The following DKC1 variants were observed in gnomAD, a reference collection of about 807,000 sequenced individuals.
DKC1 encodes the protein dyskerin pseudouridine synthase 1.
In DKC1, 4 loss-of-function variants were observed where a neutral mutation model predicts 46.7. The ratio of observed to expected loss-of-function variants is 0.09; its 90% confidence interval spans 0.04 to 0.20. The LOEUF is 0.20. Among genes scored for constraint, DKC1 ranks in the 10% least tolerant of loss-of-function variants. The pLI, the probability that DKC1 is intolerant of heterozygous loss-of-function variation, is 1.00. For synonymous variants in DKC1, 141 were observed against 142.4 expected (o/e 0.99, Z 0.07); for missense variants, 171 against 404.2 (o/e 0.42, Z 4.95).
At chrX:154,776,150 C>G in intron 13 of DKC1, 37 bp from the exon 14 acceptor site, 1 of 1,208,938 alleles carries the variant, frequency 8.3e-7, no homozygotes, top group East Asian at 3.0e-5. Context: ...CCATTATTGC[C>G]CAAGATCTAA....
At chrX:154,763,062 G>C (rs1011001581) in intron 1 of DKC1, 81 bp downstream of exon 1, 73 of 1,076,198 alleles carry the variant, frequency 6.8e-5, no homozygotes, top group Admixed American at 1.0e-4. Context: ...CGGGGCCCGC[G>C]CACGCCTCCC....
chrX:154,768,475 A>G lies in DKC1; in HGVS notation c.771+43A>G, dbSNP rs782543153. 7 of 1,208,579 alleles carry G rather than the reference A, an allele frequency of 5.8e-6. No individual in the cohort carries two copies. In the South Asian group the frequency reaches 1.2e-4, roughly 21 times the overall value. ...AGAAGTTTTAGAGCTGGTTCTTACC[A>G]TCTGCCAGCCTTTGATGGCACTCCA... On this transcript the variant is annotated intron_variant, in intron 8 of 14. Coordinates refer to ENST00000369550, the MANE Select transcript of DKC1 (RefSeq NM_001363.5).
intron 8 of DKC1, among the ~76,000 whole-genome samples, 164 bp from the exon 9 acceptor site, chrX:154,768,993 CAAAAAAAAAA>C (rs1158256142): frequency 3.1e-4 from 5 of 16,349 alleles, no homozygotes; most frequent in African/African-American, 6.2e-4. Context: ...GACTCCGTCT[CAAAAAAAAAA>C]AAAAAAAAAA....
intron 2 of DKC1, chrX:154,765,227 C>T: frequency 2.0e-6 from 1 of 488,335 alleles, no homozygotes; most frequent in South Asian, 2.9e-5. Context: ...ACCCGCCATC[C>T]CCCTTTCTCT....
intron 7 of DKC1, chrX:154,767,905 C>CGGT (rs2071769610): frequency 6.2e-6 from 1 of 161,670 alleles, no homozygotes. Flanking sequence ...GGCTGGAGTG[C>CGGT]GGTGGCATGA....
At chrX:154,765,880 G>A in intron 3 of DKC1, 27 bp from the exon 4 acceptor site, 1 of 1,113,420 alleles carries the variant, frequency 9.0e-7, no homozygotes, top group Non-Finnish European at 1.2e-6. Context: ...ATGGTATTTT[G>A]TTTTGTGTTG....
chrX:154,774,162 C>T (rs139679057), intron 11 of DKC1, among the ~76,000 whole-genome samples: 80 of 112,019 alleles, frequency 7.1e-4, no homozygotes, highest in African/African-American at 2.5e-3. Context: ...AGTGGAATGG[C>T]GAATTTCATG....
At chrX:154,775,668 A>G (rs782073631) in intron 13 of DKC1, among the ~76,000 whole-genome samples, 24 of 112,219 alleles carry the variant, frequency 2.1e-4, no homozygotes, top group Non-Finnish European at 3.0e-4. Context: ...AGGCCATACA[A>G]AATTCAGCAG....
chrX:154,776,630 C>T (rs1465006701), intron 14 of DKC1, among the ~76,000 whole-genome samples, 169 bp from the exon 15 acceptor site: 2 of 111,950 alleles, frequency 1.8e-5, no homozygotes, highest in Non-Finnish European at 3.8e-5. Flanking sequence ...TAGGGTGTCA[C>T]TGAAAGGTTT....
chrX:154,768,718 G>C, intron 8 of DKC1: 1 of 386,748 alleles, frequency 2.6e-6, no homozygotes, highest in Admixed American at 3.3e-5. Context: ...GGGCGCGGTG[G>C]CTCACGCCTG....
chrX:154,776,909 G>C lies in DKC1; in HGVS notation c.*42G>C, dbSNP rs2071907306. On this transcript the variant is annotated 3_prime_UTR_variant, in exon 15 of 15. Transcript: ENST00000369550. ...CTGGAGGAGAAACTAAAGCCTTATT[G>C]AGAAAACATGTTATAGATCCTTTTG... 46 of 1,057,868 alleles carry C rather than the reference G, an allele frequency of 4.3e-5. No individual in the cohort carries two copies. The highest frequency in any genetic ancestry group is 6.0e-5 in the Non-Finnish European group (46 of 770,209). 87.2% of individuals were successfully genotyped at this position (1,057,868 alleles called of 1,213,427 possible). A position where few individuals can be genotyped will look rare whatever the true frequency, so the allele number is the denominator to read the frequency against.
intron 11 of DKC1, among the ~76,000 whole-genome samples, chrX:154,773,796 C>T (rs1427592772): frequency 2.7e-5 from 3 of 112,193 alleles, no homozygotes; most frequent in Admixed American, 9.3e-5. Context: ...CATCCTGGCC[C>T]GTTCTCAATG....
intron 4 of DKC1, 22 bp from the exon 5 acceptor site, chrX:154,766,194 A>AT (rs782278756): frequency 0.014 from 11,013 of 776,330 alleles, no homozygotes; most frequent in Non-Finnish European, 0.017. Flanking sequence ...TGATACATTA[A>AT]TTTTTTTTTT....
At chrX:154,763,232 C>T (rs1557263777) in intron 1 of DKC1, among the ~76,000 whole-genome samples, 2 of 112,022 alleles carry the variant, frequency 1.8e-5, no homozygotes, top group Admixed American at 9.3e-5. Flanking sequence ...TCCGGGTCGC[C>T]GTCGAAAGAC....
intron 13 of DKC1, 25 bp from the exon 14 acceptor site, chrX:154,776,162 A>T: frequency 8.3e-7 from 1 of 1,211,643 alleles, no homozygotes; most frequent in Non-Finnish European, 1.1e-6. Flanking sequence ...AAGATCTAAC[A>T]CTTAACCAAT....
intron 12 of DKC1, 78 bp from the exon 13 acceptor site, chrX:154,775,117 C>A: frequency 1.0e-6 from 1 of 967,424 alleles, no homozygotes; most frequent in Non-Finnish European, 1.5e-6. Flanking sequence ...TTTAGACTTG[C>A]CAGATAACAC....
Position 154,767,023 on chromosome X carries a change from C to T in DKC1, c.475C>T (p.Leu159=). The T allele has an allele frequency of 8.3e-7, 1 of 1,211,533 alleles. No homozygotes were observed. The highest frequency in any genetic ancestry group is 1.1e-6 in the Non-Finnish European group (1 of 895,276). ...AGKEYVGIVR[L]HNAIEGGTQL... is the part of the protein sequence containing the mutation. ...CAAAGAGTATGTGGGGATTGTCCGGCTGCACAATGCTATTGAAGGGGGGAC... is the reference window on the plus strand; with the variant it reads ...CAAAGAGTATGTGGGGATTGTCCGGTTGCACAATGCTATTGAAGGGGGGAC... The change falls in exon 6 of 15, where the codon CTG becomes TTG. Residue 159 remains leucine, a synonymous_variant. Transcript: ENST00000369550.
chrX:154,767,411 G>C (rs2071759557), intron 7 of DKC1, 29 bp downstream of exon 7: 1 of 1,208,219 alleles, frequency 8.3e-7, no homozygotes, highest in Non-Finnish European at 1.1e-6. Flanking sequence ...GAGTGGGTAT[G>C]AACACATTCT....
chrX:154,765,133 A>C (rs2071729587), intron 2 of DKC1, 167 bp downstream of exon 2: 3 of 497,450 alleles, frequency 6.0e-6, no homozygotes, highest in Non-Finnish European at 1.0e-5. Flanking sequence ...AGACAGTCCA[A>C]GTGTCCTTCA....
Sources: allele counts gnomAD v4.1 joint callset (sites outside exome capture counted in the v4.1 genomes callset), GRCh38; gene constraint gnomAD v4.1.1; transcripts MANE v1.5; gene names NCBI Gene and HGNC (gene_info 2026-07-23, HGNC 2026-07-21).